Variants in ENTREP1 observed in about 807,000 individuals in gnomAD.
ENTREP1 encodes the protein Friedreich ataxia region gene X123.
chr9:69,363,160 C>G, the ENTREP1 span, among the ~76,000 whole-genome samples: 1 of 152,132 alleles, frequency 6.6e-6, no homozygotes, highest in African/African-American at 2.4e-5. Flanking sequence ...GGGGCAAGCC[C>G]TCTACTTTTT....
chr9:69,343,060 G>A, the ENTREP1 span, among the ~76,000 whole-genome samples: 1 of 152,206 alleles, frequency 6.6e-6, no homozygotes, highest in Admixed American at 6.5e-5. Context: ...TAGTTTGGTA[G>A]CAACAGGTAA....
chr9:69,392,128 A>G, the ENTREP1 span: 13 of 352,326 alleles, frequency 3.7e-5, no homozygotes, highest in South Asian at 3.8e-4. Flanking sequence ...TGCCCACTTC[A>G]CCCCTCGTGT....
the ENTREP1 span, among the ~76,000 whole-genome samples, chr9:69,351,743 G>T: frequency 1.3e-5 from 2 of 152,106 alleles, no homozygotes; most frequent in African/African-American, 2.4e-5. Flanking sequence ...CCCTCCATTT[G>T]CTCTGTTCTT....
At chr9:69,389,414 A>G in the ENTREP1 span, among the ~76,000 whole-genome samples, 2 of 152,162 alleles carry the variant, frequency 1.3e-5, no homozygotes, top group African/African-American at 4.8e-5. Flanking sequence ...TTCTTACAGA[A>G]GCCAGAAGCC....
the ENTREP1 span, among the ~76,000 whole-genome samples, chr9:69,351,640 C>T: frequency 3.3e-5 from 5 of 152,164 alleles, no homozygotes; most frequent in African/African-American, 9.7e-5. Flanking sequence ...TGGTCTCAAA[C>T]TCCTGACCTC....
the ENTREP1 span, among the ~76,000 whole-genome samples, chr9:69,330,383 C>T: frequency 6.6e-6 from 1 of 152,276 alleles, no homozygotes; most frequent in East Asian, 1.9e-4. Flanking sequence ...TCTCTGAGTG[C>T]CCTATTATTC....
At chr9:69,389,990 C>CCAGAAGGAGGTAAGGACAG in the ENTREP1 span, among the ~76,000 whole-genome samples, 4 of 152,160 alleles carry the variant, frequency 2.6e-5, no homozygotes, top group Admixed American at 1.3e-4. Flanking sequence ...GGTAAGAACA[C>CCAGAAGGAGGTAAGGACAG]CAGAAGGAGG....
the ENTREP1 span, chr9:69,375,887 C>A: frequency 6.2e-7 from 1 of 1,608,244 alleles, no homozygotes; most frequent in East Asian, 2.2e-5. Flanking sequence ...GATTCCCACC[C>A]GCACGGTAAA....
chr9:69,386,408 G>A, the ENTREP1 span: 1 of 150,870 alleles, frequency 6.6e-6, no homozygotes, highest in East Asian at 2.0e-4. Flanking sequence ...ACTTTGGATA[G>A]AATGAAGTAC....
the ENTREP1 span, among the ~76,000 whole-genome samples, chr9:69,330,906 G>A: frequency 3.9e-5 from 6 of 152,092 alleles, no homozygotes; most frequent in African/African-American, 4.8e-5. Flanking sequence ...TGGAATACAC[G>A]GGAACCTGTA....
At chr9:69,366,812 T>C in the ENTREP1 span, among the ~76,000 whole-genome samples, 19 of 152,306 alleles carry the variant, frequency 1.2e-4, no homozygotes, top group African/African-American at 4.3e-4. Context: ...CTCCAATGTA[T>C]GTTCTTGGTG....
At chr9:69,356,709 G>C in the ENTREP1 span, among the ~76,000 whole-genome samples, 1 of 152,086 alleles carries the variant, frequency 6.6e-6, no homozygotes, top group Admixed American at 6.5e-5. Flanking sequence ...AATTTATTTT[G>C]GCCACCTTAT....
chr9:69,375,858 A>G, the ENTREP1 span: 8 of 1,613,556 alleles, frequency 5.0e-6, no homozygotes, highest in Admixed American at 6.7e-5. Context: ...TTCACCTTCT[A>G]CTTAAGGTAC....
the ENTREP1 span, chr9:69,388,597 C>CA: frequency 1.6e-6 from 1 of 624,358 alleles, no homozygotes; most frequent in Non-Finnish European, 2.6e-6. Flanking sequence ...GGGAGGGAGA[C>CA]AGAGGAAGCC....
the ENTREP1 span, chr9:69,371,674 A>T: frequency 9.4e-7 from 1 of 1,061,632 alleles, no homozygotes; most frequent in Admixed American, 1.7e-5. Context: ...GTTCCTGGCG[A>T]GACTTGCAAC....
At chr9:69,343,779 G>A in the ENTREP1 span, among the ~76,000 whole-genome samples, 1 of 152,148 alleles carries the variant, frequency 6.6e-6, no homozygotes, top group African/African-American at 2.4e-5. Context: ...TATTCACTCT[G>A]CTAATTTAGC....
the ENTREP1 span, among the ~76,000 whole-genome samples, chr9:69,376,017 C>T: frequency 1.3e-5 from 2 of 152,210 alleles, no homozygotes; most frequent in South Asian, 2.1e-4. Flanking sequence ...GAATTGAATG[C>T]AGAAAGAACC....
At chr9:69,389,843 A>C in the ENTREP1 span, among the ~76,000 whole-genome samples, 1 of 152,202 alleles carries the variant, frequency 6.6e-6, no homozygotes, top group African/African-American at 2.4e-5. Context: ...TGTTTGCTAG[A>C]TCTTTGTGCC....
chr9:69,357,112 A>T, the ENTREP1 span, among the ~76,000 whole-genome samples: 1 of 151,918 alleles, frequency 6.6e-6, no homozygotes, highest in Non-Finnish European at 1.5e-5. Context: ...AAAAAAAAAA[A>T]AAAAATTTTG....
Sources: allele counts gnomAD v4.1 joint callset (sites outside exome capture counted in the v4.1 genomes callset), GRCh38; gene constraint gnomAD v4.1.1; transcripts MANE v1.5; gene names NCBI Gene and HGNC (gene_info 2026-07-23, HGNC 2026-07-21).